ACAD11: variants seen among roughly 807,000 people sequenced by gnomAD.
ACAD11 encodes acyl-Coenzyme A dehydrogenase family, member 11.
Under a neutral mutation model 102.2 loss-of-function variants are expected in ACAD11, and 83 were observed. The ratio of observed to expected loss-of-function variants is 0.81; its 90% confidence interval spans 0.68 to 0.97. The LOEUF (loss-of-function observed/expected upper bound fraction) is 0.97, where lower values mean the gene tolerates loss of function less well. ACAD11 is among the 50% of genes least tolerant of loss of function. The pLI, the probability that ACAD11 is intolerant of heterozygous loss-of-function variation, is 0.00. For missense variants in ACAD11, 901 were observed against 951.7 expected (o/e 0.95, Z 0.70); for synonymous variants, 324 against 319.8 (o/e 1.01, Z -0.14).
intron 1 of ACAD11, among the ~76,000 whole-genome samples, chr3:132,655,962 G>C (rs963659189): frequency 4.6e-5 from 7 of 152,134 alleles, no homozygotes; most frequent in African/African-American, 1.7e-4. Context: ...AATTGGTAAG[G>C]CATGAGGAAT....
At chr3:132,657,424 G>A (rs897797092) in intron 1 of ACAD11, among the ~76,000 whole-genome samples, 1 of 151,886 alleles carries the variant, frequency 6.6e-6, no homozygotes, top group Admixed American at 6.6e-5. Flanking sequence ...TTAGCCCTTC[G>A]CTCTTACACA....
chr3:132,641,755 G>A (rs1266487713), intron 4 of ACAD11, among the ~76,000 whole-genome samples: 1 of 151,218 alleles, frequency 6.6e-6, no homozygotes, highest in Non-Finnish European at 1.5e-5. Flanking sequence ...TAAAAGTATT[G>A]GAAAATTAAG....
At chr3:132,639,420 G>A (rs1351237996) in intron 5 of ACAD11, 72 bp downstream of exon 5, 5 of 1,448,656 alleles carry the variant, frequency 3.5e-6, no homozygotes, top group Non-Finnish European at 4.7e-6. Flanking sequence ...CAGTGCTCTG[G>A]GGGGAGCATT....
Position 132,582,260 on chromosome 3 carries a change from A to C in ACAD11, c.1622-2702T>G, listed in dbSNP as rs960588232. ...TTGGAGAGCCAATGGATACTGTCTA[A>C]AATGAATAAATTAAGAAAGAGAAAA... is the stretch of plus-strand genomic sequence containing the variant. On this transcript the variant is annotated intron_variant, in intron 13 of 19. Transcript: ENST00000264990. 2.0e-5 allele frequency among the ~76,000 whole-genome samples: 3 copies of C among 151,968 alleles called. No homozygotes were observed. In the South Asian group the frequency reaches 6.2e-4, roughly 31 times the overall value.
At position 132,583,217 on chromosome 3, in the gene ACAD11, T is replaced by A. The variant is rs558410828; in HGVS notation, c.1622-3659A>T. Among the ~76,000 whole-genome samples, 21 of 152,304 alleles carry A rather than the reference T, an allele frequency of 1.4e-4. No individual in the cohort carries two copies. The South Asian group carries it at 3.9e-3, about 29-fold the overall frequency. ...CACTGGTAAGCTATTAATTATTGCC[T>A]CAATTTCAGACCCTGTTATTGGTCT... On this transcript the variant is annotated intron_variant, in intron 13 of 19. Coordinates refer to ENST00000264990, the MANE Select transcript of ACAD11 (RefSeq NM_032169.5).
chr3:132,628,226 G>T, intron 8 of ACAD11, 114 bp downstream of exon 8: 2 of 546,304 alleles, frequency 3.7e-6, no homozygotes, highest in Non-Finnish European at 6.2e-6. Flanking sequence ...GTGATTGGCA[G>T]CAGCAATCCT....
intron 11 of ACAD11, among the ~76,000 whole-genome samples, chr3:132,617,272 G>A (rs994012927): frequency 6.6e-6 from 1 of 152,126 alleles, no homozygotes; most frequent in African/African-American, 2.4e-5. Context: ...CTCTAGGGAT[G>A]GAGGCTGGGA....
chr3:132,642,555 A>C (rs1940564650), intron 3 of ACAD11, 122 bp downstream of exon 3: 2 of 1,136,072 alleles, frequency 1.8e-6, no homozygotes, highest in Non-Finnish European at 2.4e-6. Flanking sequence ...TTGCAATGCA[A>C]TCTAATTACC....
intron 7 of ACAD11, among the ~76,000 whole-genome samples, chr3:132,629,115 T>C (rs1409547219): frequency 6.6e-6 from 1 of 152,232 alleles, no homozygotes; most frequent in Non-Finnish European, 1.5e-5. Context: ...GGAATGTTTA[T>C]GACCATCTCC....
At chr3:132,593,348 A>G (rs952524571) in intron 13 of ACAD11, among the ~76,000 whole-genome samples, 1 of 152,186 alleles carries the variant, frequency 6.6e-6, no homozygotes, top group Non-Finnish European at 1.5e-5. Context: ...GGAAATAAGA[A>G]TAATAAAAGA....
chr3:132,588,919 T>C (rs1937962582), intron 13 of ACAD11, among the ~76,000 whole-genome samples: 2 of 152,354 alleles, frequency 1.3e-5, no homozygotes, highest in South Asian at 2.1e-4. Flanking sequence ...ATGGTCTGAA[T>C]GTATATGTCA....
intron 1 of ACAD11, 34 bp downstream of exon 1, chr3:132,659,569 T>C: frequency 6.2e-7 from 1 of 1,607,558 alleles, no homozygotes; most frequent in Non-Finnish European, 8.5e-7. Context: ...TGTACAAATT[T>C]TTTTCCGCTG....
At chr3:132,625,460 C>A (rs1044429810) in intron 9 of ACAD11, among the ~76,000 whole-genome samples, 1 of 152,024 alleles carries the variant, frequency 6.6e-6, no homozygotes, top group Non-Finnish European at 1.5e-5. Flanking sequence ...GTGTTGCATT[C>A]CCTTTTTAAT....
intron 17 of ACAD11, among the ~76,000 whole-genome samples, chr3:132,567,654 G>T (rs1937254250): frequency 6.6e-6 from 1 of 152,128 alleles, no homozygotes. Context: ...TTGATAAAGT[G>T]GATTAAAAAT....
chr3:132,585,064 T>C (rs1937745721), intron 13 of ACAD11, among the ~76,000 whole-genome samples: 1 of 152,178 alleles, frequency 6.6e-6, no homozygotes, highest in South Asian at 2.1e-4. Flanking sequence ...AGAACAAAGC[T>C]GTAGGCATCA....
At chr3:132,577,659 C>G (rs761866632) in intron 15 of ACAD11, among the ~76,000 whole-genome samples, 40 of 152,162 alleles carry the variant, frequency 2.6e-4, no homozygotes, top group Non-Finnish European at 5.0e-4. Context: ...CTTCTCCCTG[C>G]CAAGTTTTAG....
At chr3:132,588,625 T>A (rs991447466) in intron 13 of ACAD11, among the ~76,000 whole-genome samples, 1 of 152,202 alleles carries the variant, frequency 6.6e-6, no homozygotes, top group African/African-American at 2.4e-5. Flanking sequence ...ATGCAACGGC[T>A]TTAAAACTGT....
intron 1 of ACAD11, 111 bp from the exon 2 acceptor site, chr3:132,645,007 C>T: frequency 1.6e-6 from 1 of 642,734 alleles, no homozygotes; most frequent in Non-Finnish European, 2.6e-6. Flanking sequence ...CATCTCAATG[C>T]TGGAAAATCA....
chr3:132,600,966 G>A (rs141386637), intron 13 of ACAD11: 329 of 1,612,226 alleles, frequency 2.0e-4, no homozygotes, highest in African/African-American at 1.4e-3. Context: ...ATTTTCCCCC[G>A]CTACCTAGGA....
Sources: gnomAD v4.1 joint callset for allele counts (sites outside exome capture counted in the v4.1 genomes callset) on GRCh38, gnomAD v4.1.1 for gene constraint, MANE v1.5 for transcripts, NCBI Gene and HGNC (gene_info 2026-07-23, HGNC 2026-07-21) for gene names.